EXT1: variants seen among roughly 807,000 people sequenced by gnomAD.
The protein encoded by EXT1 is exostosin-1.
Under a neutral mutation model 82.5 loss-of-function variants are expected in EXT1, and 20 were observed. That is an observed-to-expected ratio of 0.24 (90% confidence interval 0.17 to 0.35). The LOEUF is 0.35. Ranked by LOEUF, EXT1 falls within the 10% of genes least tolerant of loss-of-function variation. The pLI is 1.00. For synonymous variants in EXT1, 348 were observed against 350.8 expected, an observed-to-expected ratio of 0.99 and a Z score of 0.09; for missense variants, 757 against 936.5, an observed-to-expected ratio of 0.81 and a Z score of 2.50.
chr8:117,966,794 T>C (rs2129730752), intron 1 of EXT1, among the ~76,000 whole-genome samples: 1 of 152,330 alleles, frequency 6.6e-6, no homozygotes, highest in African/African-American at 2.4e-5. Context: ...TCTATTTTTA[T>C]TTTCCCCCTT....
rs530747335 is a variant in EXT1 at position 117,865,688 on chromosome 8, A to G, written c.963-28487T>C. On this transcript the variant is annotated intron_variant, in intron 1 of 10. Transcript: ENST00000378204. The stretch of plus-strand genomic sequence containing the variant: ...CATAGCAAAACTTGCTTGTATTACA[A>G]TATTCATCCTGTCTGGAGATGATGG... Among the ~76,000 whole-genome samples the G allele has an allele frequency of 3.5e-4, 53 of 152,320 alleles. No homozygotes were observed. In the South Asian group the frequency reaches 9.9e-3, roughly 29 times the overall value.
chr8:118,094,269 G>C (rs144324517), intron 1 of EXT1, among the ~76,000 whole-genome samples: 1 of 152,052 alleles, frequency 6.6e-6, no homozygotes, highest in Non-Finnish European at 1.5e-5. Flanking sequence ...TTGTACTCTC[G>C]GTTGAACAAC....
intron 1 of EXT1, among the ~76,000 whole-genome samples, chr8:117,888,730 C>T (rs1002962743): frequency 6.6e-6 from 1 of 152,146 alleles, no homozygotes; most frequent in Non-Finnish European, 1.5e-5. Flanking sequence ...AAGATCTGTT[C>T]GAGTTCCACC....
At chr8:118,006,269 G>A (rs150285865) in intron 1 of EXT1, among the ~76,000 whole-genome samples, 2 of 152,230 alleles carry the variant, frequency 1.3e-5, no homozygotes, top group African/African-American at 4.8e-5. Flanking sequence ...CAACAATGGG[G>A]GTCCCTCCAC....
At chr8:117,987,171 A>C (rs926483076) in intron 1 of EXT1, among the ~76,000 whole-genome samples, 1 of 152,222 alleles carries the variant, frequency 6.6e-6, no homozygotes, top group African/African-American at 2.4e-5. Context: ...GAAGCAAAGG[A>C]ACATGAAATA....
At position 117,818,498 on chromosome 8, in the gene EXT1, T is replaced by C. The variant is rs2129736819; in HGVS notation, c.1569A>G (p.Leu523=). 1 of 1,614,008 alleles carries C rather than the reference T, an allele frequency of 6.2e-7. No homozygotes were observed. Among genetic ancestry groups the C allele is most frequent in the East Asian group, 2.2e-5 (1 of 44,880 alleles). The change falls in exon 7 of 11, where the codon CTA becomes CTG. Residue 523 remains leucine (L), a synonymous_variant. Transcript: ENST00000378204. ...TGGCAGGCCAGCGGTGTTTGGCTGGTAGGGGCTTGTCACAATTCCATAGAA... is the reference window on the plus strand; with the variant it reads ...TGGCAGGCCAGCGGTGTTTGGCTGGCAGGGGCTTGTCACAATTCCATAGAA... ...IIVLWNCDKP[L]PAKHRWPATA... is the part of the protein sequence containing the mutation.
At chr8:117,883,564 C>T (rs1388276156) in intron 1 of EXT1, among the ~76,000 whole-genome samples, 1 of 152,262 alleles carries the variant, frequency 6.6e-6, no homozygotes, top group Admixed American at 6.5e-5. Context: ...CTCAGTCTCT[C>T]TCCTAAAGGC....
intron 1 of EXT1, among the ~76,000 whole-genome samples, chr8:118,098,012 C>T (rs571365887): frequency 1.3e-5 from 2 of 151,950 alleles, no homozygotes; most frequent in East Asian, 3.9e-4. Context: ...GTGGGGAAAG[C>T]GGGGAGAAGG....
intron 1 of EXT1, among the ~76,000 whole-genome samples, chr8:118,087,049 A>G (rs986862871): frequency 6.6e-6 from 1 of 152,210 alleles, no homozygotes; most frequent in Non-Finnish European, 1.5e-5. Context: ...TCTTGCAGCA[A>G]TGGACACACA....
At chr8:117,959,339 C>T (rs1452005258) in intron 1 of EXT1, among the ~76,000 whole-genome samples, 1 of 152,240 alleles carries the variant, frequency 6.6e-6, no homozygotes, top group Non-Finnish European at 1.5e-5. Flanking sequence ...CTGGCCTCAC[C>T]TCTGTCCATC....
At chr8:117,935,784 A>T (rs1004844672) in intron 1 of EXT1, among the ~76,000 whole-genome samples, 2 of 152,168 alleles carry the variant, frequency 1.3e-5, no homozygotes, top group Non-Finnish European at 2.9e-5. Flanking sequence ...GCTCTGTAAT[A>T]GTCTCAACAC....
intron 1 of EXT1, among the ~76,000 whole-genome samples, chr8:117,925,581 G>T (rs1158801994): frequency 6.6e-6 from 1 of 151,498 alleles, no homozygotes; most frequent in East Asian, 1.9e-4. Flanking sequence ...ATAAAAACAA[G>T]AAATTGGCCA....
chr8:117,854,132 T>A (rs967130197), intron 1 of EXT1, among the ~76,000 whole-genome samples: 2 of 152,220 alleles, frequency 1.3e-5, no homozygotes, highest in African/African-American at 4.8e-5. Flanking sequence ...GTCCTTCCCA[T>A]TGACTCTAAT....
At position 117,799,647 on chromosome 8, in the gene EXT1, TGGG is replaced by T; in HGVS notation, c.*62_*64del. 1 of 1,576,458 alleles carries T rather than the reference TGGG, an allele frequency of 6.3e-7. No homozygotes were observed. Among genetic ancestry groups the T allele is most frequent in the Non-Finnish European group, 8.7e-7 (1 of 1,146,266 alleles). The stretch of plus-strand genomic sequence containing the variant: ...GCTCTGCTGATGAGTGGATCTGCAC[TGGG>T]AAGAGAGAGCAGCTTGACCCCCATC... On this transcript the variant is annotated 3_prime_UTR_variant, in exon 11 of 11. Transcript: ENST00000378204.
intron 1 of EXT1, among the ~76,000 whole-genome samples, chr8:117,838,541 G>T (rs1259216645): frequency 1.3e-5 from 2 of 152,024 alleles, no homozygotes; most frequent in African/African-American, 2.4e-5. Context: ...TATCTCCATT[G>T]AGAGTAAAAA....
At chr8:118,053,268 G>A (rs189745372) in intron 1 of EXT1, among the ~76,000 whole-genome samples, 24 of 152,220 alleles carry the variant, frequency 1.6e-4, no homozygotes, top group African/African-American at 5.5e-4. Context: ...TGTGGTGGTC[G>A]TTCAGTGCCA....
chr8:117,855,574 G>T (rs777520318), intron 1 of EXT1, among the ~76,000 whole-genome samples: 2 of 152,112 alleles, frequency 1.3e-5, no homozygotes, highest in Non-Finnish European at 1.5e-5. Context: ...GGGCCTCCTT[G>T]TTCCCTGAGA....
At chr8:118,025,930 G>T (rs1347067818) in intron 1 of EXT1, among the ~76,000 whole-genome samples, 1 of 152,108 alleles carries the variant, frequency 6.6e-6, no homozygotes, top group Non-Finnish European at 1.5e-5. Flanking sequence ...AATCATCCAG[G>T]CATATCAATC....
At chr8:117,905,432 C>T (rs1324185633) in intron 1 of EXT1, among the ~76,000 whole-genome samples, 4 of 152,254 alleles carry the variant, frequency 2.6e-5, no homozygotes, top group Admixed American at 1.3e-4. Flanking sequence ...CTTGATAAAA[C>T]TTTGTAGAAG....
Sources: allele counts gnomAD v4.1 joint callset (sites outside exome capture counted in the v4.1 genomes callset), GRCh38; gene constraint gnomAD v4.1.1; transcripts MANE v1.5; gene names NCBI Gene and HGNC (gene_info 2026-07-23, HGNC 2026-07-21).